Variants in PRKCH observed in about 807,000 individuals in gnomAD.
The protein encoded by PRKCH is protein kinase C eta type.
A neutral mutation model predicts 82.5 loss-of-function variants in PRKCH; 28 were observed. That is an observed-to-expected ratio of 0.34 (90% confidence interval 0.25 to 0.47). The LOEUF (loss-of-function observed/expected upper bound fraction) is 0.47. Among genes scored for constraint, PRKCH ranks in the 20% least tolerant of loss-of-function variants. PRKCH has a pLI of 1.00. For synonymous variants in PRKCH, 322 were observed against 327.4 expected, an observed-to-expected ratio of 0.98 and a Z score of 0.18; for missense variants, 705 against 881.8, an observed-to-expected ratio of 0.80 and a Z score of 2.54.
At chr14:61,460,126 C>T (rs1279313924) in intron 9 of PRKCH, among the ~76,000 whole-genome samples, 4 of 152,114 alleles carry the variant, frequency 2.6e-5, no homozygotes, top group Non-Finnish European at 4.4e-5. Flanking sequence ...GGATTACAGG[C>T]GTGAGCCACT....
intron 9 of PRKCH, among the ~76,000 whole-genome samples, chr14:61,470,192 C>T (rs1309979778): frequency 1.3e-5 from 2 of 151,660 alleles, no homozygotes; most frequent in African/African-American, 4.9e-5. Flanking sequence ...AGGCGTAGCT[C>T]GAGTCCTTGG....
At chr14:61,270,369 T>TAATA (rs1265550131) in intron 1 of PRKCH, among the ~76,000 whole-genome samples, 3 of 152,084 alleles carry the variant, frequency 2.0e-5, no homozygotes, top group Non-Finnish European at 4.4e-5. Context: ...TATGAGTCTG[T>TAATA]AATACAAAAG....
At chr14:61,385,300 G>C (rs1594646889) in intron 1 of PRKCH, among the ~76,000 whole-genome samples, 2 of 152,244 alleles carry the variant, frequency 1.3e-5, no homozygotes, top group East Asian at 3.9e-4. Flanking sequence ...GAGAAGGGGA[G>C]TGAATGAACT....
At chr14:61,265,323 A>G (rs1029076189) in intron 1 of PRKCH, among the ~76,000 whole-genome samples, 1 of 152,138 alleles carries the variant, frequency 6.6e-6, no homozygotes, top group African/African-American at 2.4e-5. Context: ...TCTACAAAAA[A>G]TACAAAAATT....
At chr14:61,390,608 G>T (rs113582930) in intron 1 of PRKCH, 14,233 of 152,462 alleles carry the variant, frequency 0.093, 804 homozygotes, top group Non-Finnish European at 0.11. Context: ...GATGGAGGTT[G>T]CAGTGAGCTG....
At chr14:61,428,682 G>T (rs537338228) in intron 2 of PRKCH, among the ~76,000 whole-genome samples, 1 of 152,060 alleles carries the variant, frequency 6.6e-6, no homozygotes, top group East Asian at 1.9e-4. Context: ...ACTTTACTTC[G>T]ATGTCTGAGT....
chr14:61,244,155 C>T (rs1230937619), intron 1 of PRKCH, among the ~76,000 whole-genome samples: 1 of 152,128 alleles, frequency 6.6e-6, no homozygotes, highest in Non-Finnish European at 1.5e-5. Context: ...GAGACCGCCA[C>T]ATGAGCATTC....
At chr14:61,361,532 C>A (rs2046224898) in intron 1 of PRKCH, among the ~76,000 whole-genome samples, 1 of 152,152 alleles carries the variant, frequency 6.6e-6, no homozygotes, top group African/African-American at 2.4e-5. Flanking sequence ...ACTTTCAACT[C>A]TCTGTTTAGT....
At chr14:61,284,867 T>G (rs183388989) in intron 1 of PRKCH, among the ~76,000 whole-genome samples, 181 of 152,302 alleles carry the variant, frequency 1.2e-3, no homozygotes, top group Non-Finnish European at 1.6e-3. Context: ...TATTTAATTT[T>G]TAATAGATTG....
chr14:61,322,539 G>A, intron 1 of PRKCH, 75 bp downstream of exon 1: 1 of 1,508,124 alleles, frequency 6.6e-7, no homozygotes, highest in African/African-American at 1.4e-5. Flanking sequence ...ACTCACCCGG[G>A]TCCCGCTTTC....
In PRKCH at chr14:61,338,939, G is replaced by T. The variant is rs539255835; in HGVS notation, c.363+16475G>T. Among the ~76,000 whole-genome samples, 26 of 152,250 alleles carry T rather than the reference G, an allele frequency of 1.7e-4. No individual in the cohort carries two copies. In the South Asian group the frequency reaches 4.8e-3, roughly 28 times the overall value. ...GTGCCTGTCAAGATATTAAATGACT[G>T]TTCCCATTAATATTATTGCCATTAA... On this transcript the variant is annotated intron_variant, in intron 1 of 13. Coordinates refer to ENST00000332981, the MANE Select transcript of PRKCH (RefSeq NM_006255.5).
chr14:61,221,412 C>G (rs1276582551), intron 1 of PRKCH, among the ~76,000 whole-genome samples: 1 of 152,092 alleles, frequency 6.6e-6, no homozygotes, highest in Admixed American at 6.5e-5. Context: ...ATCTTCATCT[C>G]CCTTTTTCCT....
intron 1 of PRKCH, among the ~76,000 whole-genome samples, chr14:61,336,251 A>G (rs1007378176): frequency 2.6e-5 from 4 of 152,202 alleles, no homozygotes; most frequent in African/African-American, 9.6e-5. Flanking sequence ...TTTGAGTACA[A>G]CTTCCTCACT....
At chr14:61,360,481 G>C (rs1257091874) in intron 1 of PRKCH, among the ~76,000 whole-genome samples, 2 of 151,832 alleles carry the variant, frequency 1.3e-5, no homozygotes, top group African/African-American at 4.8e-5. Context: ...CTCCAGCCTG[G>C]GTGTCAGAGT....
At position 61,521,031 on chromosome 14, in the gene PRKCH, G is replaced by A. The variant is rs1338129875; in HGVS notation, c.1434-8044G>A. Among the ~76,000 whole-genome samples the A allele has an allele frequency of 5.9e-5, 9 of 152,278 alleles. No homozygotes were observed. In the South Asian group the frequency reaches 1.9e-3, roughly 32 times the overall value. ...TGTGGTAGATTTTTACAGTGGAATTGTATGCAACCATTATAGAGAATGAGC... is the reference window on the plus strand; with the variant it reads ...TGTGGTAGATTTTTACAGTGGAATTATATGCAACCATTATAGAGAATGAGC... On this transcript the variant is annotated intron_variant, in intron 10 of 13. Coordinates refer to ENST00000332981, the MANE Select transcript of PRKCH (RefSeq NM_006255.5).
At chr14:61,484,764 C>CTTTTT (rs375542490) in intron 9 of PRKCH, among the ~76,000 whole-genome samples, 2,402 of 121,036 alleles carry the variant, frequency 0.02, 81 homozygotes, top group African/African-American at 0.061. Flanking sequence ...ATTTGGCTTC[C>CTTTTT]TTTTTTTTTT....
rs114322757 is a variant in PRKCH, at chr14:61,518,123, G to T, written c.1434-10952G>T. Among the ~76,000 whole-genome samples the T allele has an allele frequency of 7.7e-3, 1,176 of 152,280 alleles. 18 individuals carry two copies. The highest frequency in any genetic ancestry group is 0.027 in the African/African-American group (1,117 of 41,534). On this transcript the variant is annotated intron_variant, in intron 10 of 13. Transcript: ENST00000332981. ...GTCAGGTCCAAGTGTACTGTTGGCC[G>T]CAGCATCCAGTCTGTGCTATCAGAG... is the stretch of plus-strand genomic sequence containing the variant.
chr14:61,358,806 G>C (rs1224325282), intron 1 of PRKCH, among the ~76,000 whole-genome samples: 1 of 152,046 alleles, frequency 6.6e-6, no homozygotes, highest in Non-Finnish European at 1.5e-5. Flanking sequence ...TGTGTTCCCT[G>C]TGCAGGCCCT....
intron 1 of PRKCH, among the ~76,000 whole-genome samples, chr14:61,369,210 C>T (rs1022368577): frequency 1.3e-5 from 2 of 152,184 alleles, no homozygotes; most frequent in African/African-American, 4.8e-5. Flanking sequence ...ATCAGTATCA[C>T]CGGGAGGGTT....
Sources: allele counts gnomAD v4.1 joint callset (sites outside exome capture counted in the v4.1 genomes callset), GRCh38; gene constraint gnomAD v4.1.1; transcripts MANE v1.5; gene names NCBI Gene and HGNC (gene_info 2026-07-23, HGNC 2026-07-21).